ODF2: variants seen among roughly 807,000 people sequenced by gnomAD.
The protein encoded by ODF2 is outer dense fiber protein 2.
In ODF2, 47 loss-of-function variants were observed where a neutral mutation model predicts 110.2. That is an observed-to-expected ratio of 0.43 (90% CI 0.34 to 0.54). ODF2 has a LOEUF of 0.54. Ranked by LOEUF, ODF2 falls within the 20% of genes least tolerant of loss-of-function variation. ODF2 has a pLI of 0.03. For missense variants in ODF2, 812 were observed against 1,054.5 expected (o/e 0.77, Z 3.19); for synonymous variants, 352 against 397.7 (o/e 0.89, Z 1.37).
exon 19 of ODF2, chr9:128,498,521 A>G (rs779595518): frequency 6.2e-7 from 1 of 1,612,218 alleles, no homozygotes. Flanking sequence ...AAACACGGGA[A>G]TGTGGGACCC....
downstream of ODF2, chr9:128,501,135 A>C (rs1450761785): frequency 2.0e-5 from 3 of 152,182 alleles, no homozygotes; most frequent in Non-Finnish European, 4.4e-5. Flanking sequence ...CATTGTAATC[A>C]ATGAACTGTC....
chr9:128,460,996 CG>C lies in ODF2; in HGVS notation c.181del (p.Val61Ter). 6.2e-7 allele frequency: 1 copy of C among 1,614,100 alleles called. No individual in the cohort carries two copies. The highest frequency in any genetic ancestry group is 1.3e-5 in the African/African-American group (1 of 75,026). On this transcript the variant is annotated frameshift_variant, in exon 4 of 21. Coordinates refer to ENST00000604420, the Ensembl canonical transcript of ODF2. LOFTEE classifies it high-confidence loss of function. ...CACTGTGAATGTGCGGCGGAGTGTCCGGGTGAAAACCAAGGTACCTTGGATG... is the reference window on the plus strand; with the variant it reads ...CACTGTGAATGTGCGGCGGAGTGTCCGGTGAAAACCAAGGTACCTTGGATG...
At chr9:128,493,720 A>G (rs904831148) in intron 16 of ODF2, among the ~76,000 whole-genome samples, 3 of 152,216 alleles carry the variant, frequency 2.0e-5, no homozygotes, top group Non-Finnish European at 4.4e-5. Flanking sequence ...GACTTAGACC[A>G]GATATTTCTC....
chr9:128,479,982 TGTG>T (rs1213821578), intron 8 of ODF2, among the ~76,000 whole-genome samples: 1 of 152,092 alleles, frequency 6.6e-6, no homozygotes, highest in Non-Finnish European at 1.5e-5. Flanking sequence ...GTTAGCCAGG[TGTG>T]GTGGCACACA....
At chr9:128,496,390 C>T in intron 18 of ODF2, 1 of 1,325,216 alleles carries the variant, frequency 7.5e-7, no homozygotes, top group South Asian at 1.3e-5. Context: ...TAGGCACCAC[C>T]TGTCCCAAAA....
At position 128,500,234 on chromosome 9, in the gene ODF2, C is replaced by T. The variant is rs771871625; in HGVS notation, c.2469C>T (p.Arg823=). Residue 823 remains arginine (R), a synonymous_variant, in exon 21 of 21, where the codon CGC becomes CGT. Coordinates refer to ENST00000604420, the Ensembl canonical transcript of ODF2. ...CCTTCCTGACTAGCTCTCCCATCCG[C>T]TCCCGATCTCCTCCTGCCTGAGGCC... 6 of 1,614,232 alleles carry T rather than the reference C, an allele frequency of 3.7e-6. No individual in the cohort carries two copies. In the South Asian group the frequency reaches 6.6e-5, roughly 18 times the overall value.
chr9:128,477,648 G>A (rs1275056194), intron 8 of ODF2, among the ~76,000 whole-genome samples: 4 of 148,644 alleles, frequency 2.7e-5, no homozygotes, highest in African/African-American at 1.0e-4. Flanking sequence ...CTCTGTCACC[G>A]AGGCTGGAGT....
At chr9:128,488,096 G>T in intron 14 of ODF2, 71 bp downstream of exon 14, 3 of 1,568,452 alleles carry the variant, frequency 1.9e-6, no homozygotes, top group Admixed American at 3.4e-5. Context: ...CTTGTCTTAC[G>T]TGGGCCTGGG....
chr9:128,469,117 AG>A (rs1839066142), intron 4 of ODF2, 65 bp from the exon 5 acceptor site: 2 of 1,502,368 alleles, frequency 1.3e-6, no homozygotes, highest in Non-Finnish European at 1.8e-6. Context: ...ATAAGCCTCC[AG>A]TGGTGGAACT....
chr9:128,481,674 A>G (rs1842421240), intron 9 of ODF2, 23 bp downstream of exon 9: 2 of 1,602,770 alleles, frequency 1.2e-6, no homozygotes, highest in Non-Finnish European at 1.7e-6. Context: ...GCCCTTGTCT[A>G]CTCTAGTGGG....
exon 8 of ODF2, chr9:128,473,639 C>G: frequency 6.2e-7 from 1 of 1,613,720 alleles, no homozygotes; most frequent in African/African-American, 1.3e-5. Context: ...CGGACATCAA[C>G]ACCCTGACAA....
intron 4 of ODF2, among the ~76,000 whole-genome samples, chr9:128,466,996 AAAAAAAAAAAAAAAAAAAATAT>A (rs1838147456): frequency 5.0e-5 from 3 of 59,852 alleles, no homozygotes; most frequent in African/African-American, 2.4e-4. Context: ...AAAAAAAAAA[AAAAAAAAAAAAAAAAAAAATAT>A]ATATATATAT....
chr9:128,493,983 C>T (rs111896042), intron 16 of ODF2, among the ~76,000 whole-genome samples: 7,219 of 152,130 alleles, frequency 0.047, 410 homozygotes, highest in African/African-American at 0.14. Context: ...TTAGTAGAGA[C>T]AGGGTTTCAC....
intron 16 of ODF2, among the ~76,000 whole-genome samples, chr9:128,493,585 C>T (rs928289335): frequency 6.6e-6 from 1 of 152,084 alleles, no homozygotes; most frequent in Non-Finnish European, 1.5e-5. Flanking sequence ...ATTAGAGCAG[C>T]GGGATTATCT....
chr9:128,456,865 C>A, intron 1 of ODF2: 17 of 1,302,092 alleles, frequency 1.3e-5, no homozygotes, highest in South Asian at 1.9e-5. Context: ...AACCTCCGCG[C>A]CTCCCTCCTT....
rs1316728836 is a variant in ODF2, at chr9:128,485,493, G to C, written c.1400+19G>C. On this transcript the variant is annotated intron_variant, in intron 13 of 20. Coordinates refer to ENST00000604420, the Ensembl canonical transcript of ODF2. This position sits in a 1 kb window ranked among gnomAD's most constrained non-coding sequence, Gnocchi z 5.0. ...TGAATGAGTACGTCTTAGAGTAGGA[G>C]AGGGAATGTGGCGCTGTTGAGGGAC... is the stretch of plus-strand genomic sequence containing the variant. 4 of 1,387,690 alleles carry C rather than the reference G, an allele frequency of 2.9e-6. No individual in the cohort carries two copies. The highest frequency in any genetic ancestry group is 3.6e-4 in the Middle Eastern group (2 of 5,594). The allele number at this position is 1,387,690 out of a possible 1,614,324, so 86.0% of individuals were successfully genotyped here. A position where few individuals can be genotyped will look rare whatever the true frequency, so the allele number is the denominator to read the frequency against.
intron 20 of ODF2, 143 bp downstream of exon 20, chr9:128,499,269 A>AG: frequency 1.0e-6 from 1 of 981,802 alleles, no homozygotes; most frequent in Non-Finnish European, 1.5e-6. Flanking sequence ...CTATCCCTTA[A>AG]GGATATCCTG....
At chr9:128,456,198 C>T in exon 1 of ODF2, 2 of 1,548,348 alleles carry the variant, frequency 1.3e-6, no homozygotes, top group East Asian at 4.9e-5. Flanking sequence ...ACGACCCTGG[C>T]CTCCGACTTC....
Position 128,462,829 on chromosome 9 carries a change from A to G in ODF2, c.249+1762A>G, listed in dbSNP as rs191946625. ...AGGATGGTCTCGATCTCCTGACCTC[A>G]TGATCCGCCTACCTCAGCCTCCCAA... On this transcript the variant is annotated intron_variant, in intron 4 of 20. Coordinates refer to ENST00000604420, the Ensembl canonical transcript of ODF2. Among the ~76,000 whole-genome samples, 22 of 150,868 alleles carry G rather than the reference A, an allele frequency of 1.5e-4. No homozygotes were observed. The East Asian group carries it at 4.2e-3, about 29-fold the overall frequency.
Sources: gnomAD v4.1 joint callset for allele counts (sites outside exome capture counted in the v4.1 genomes callset) on GRCh38, gnomAD v4.1.1 for gene constraint, Gnocchi (gnomAD v3.1) non-coding constraint, MANE v1.5 for transcripts, NCBI Gene and HGNC (gene_info 2026-07-23, HGNC 2026-07-21) for gene names.